The following PAPOLA variants were observed in gnomAD, a reference collection of about 807,000 sequenced individuals.
PAPOLA encodes polynucleotide adenylyltransferase alpha.
A neutral mutation model predicts 100.6 loss-of-function variants in PAPOLA; 15 were observed. That is an observed-to-expected ratio of 0.15 (90% CI 0.10 to 0.23). PAPOLA has a LOEUF of 0.23. Ranked by LOEUF, PAPOLA falls within the 10% of genes least tolerant of loss-of-function variation. The pLI is 1.00. For missense variants in PAPOLA, 533 were observed against 884.2 expected, an observed-to-expected ratio of 0.60 and a Z score of 5.04; for synonymous variants, 293 against 300.0, an observed-to-expected ratio of 0.98 and a Z score of 0.24.
chr14:96,503,446 G>GT (rs1250447382), intron 1 of PAPOLA, among the ~76,000 whole-genome samples: 2 of 150,134 alleles, frequency 1.3e-5, no homozygotes, highest in East Asian at 2.0e-4. Context: ...TTTTTAAAAA[G>GT]TTTTTTTCTC....
intron 12 of PAPOLA, chr14:96,541,837 T>G (rs1900017593): frequency 6.3e-6 from 1 of 157,562 alleles, no homozygotes; most frequent in South Asian, 1.8e-4. Context: ...GTAGTATGTG[T>G]ATTTAGTGAT....
intron 6 of PAPOLA, among the ~76,000 whole-genome samples, chr14:96,530,823 T>C (rs910868922): frequency 3.3e-5 from 5 of 152,232 alleles, no homozygotes; most frequent in African/African-American, 1.2e-4. Flanking sequence ...GTTTTTGTTT[T>C]GCTGTTTTGA....
intron 1 of PAPOLA, among the ~76,000 whole-genome samples, chr14:96,518,817 G>A (rs1407457530): frequency 6.6e-6 from 1 of 151,992 alleles, no homozygotes; most frequent in East Asian, 2.0e-4. Context: ...AGCACTTTGG[G>A]AGGCCAAAGG....
intron 10 of PAPOLA, chr14:96,535,678 G>A (rs1899460925): frequency 1.2e-6 from 1 of 827,582 alleles, no homozygotes; most frequent in Non-Finnish European, 1.6e-6. Flanking sequence ...AATTGAAGCA[G>A]ATCATTAGTT....
At position 96,535,917 on chromosome 14, in the gene PAPOLA, T is replaced by C. The variant is rs1284203295; in HGVS notation, c.948T>C (p.Ile316=). Residue 316 remains isoleucine (I), a synonymous_variant, in exon 11 of 22, where the codon ATT becomes ATC. Coordinates refer to ENST00000216277, the MANE Select transcript of PAPOLA (RefSeq NM_032632.5). Reference sequence around the variant, plus strand: ...ATAGGTACCATCTTATGCCTATAATTACACCAGCATACCCACAACAGAACT... The same window carrying C: ...ATAGGTACCATCTTATGCCTATAATCACACCAGCATACCCACAACAGAACT... ...PSDRYHLMPI[I]TPAYPQQNST... is the part of the protein sequence containing the mutation. 1.2e-6 allele frequency: 2 copies of C among 1,607,496 alleles called. No individual in the cohort carries two copies. Among genetic ancestry groups the C allele is most frequent in the East Asian group, 2.2e-5 (1 of 44,634 alleles).
Position 96,527,557 on chromosome 14 carries a change from G to T in PAPOLA, c.441+18G>T. On this transcript the variant is annotated intron_variant, in intron 5 of 21. Transcript: ENST00000216277. ...ATTTAAGAGTGCGTAAATGTTCGGG[G>T]TGAAATGGGATGAGTTATGAACATT... The T allele has an allele frequency of 8.0e-7, 1 of 1,255,424 alleles. No individual in the cohort carries two copies. The highest frequency in any genetic ancestry group is 1.2e-6 in the Non-Finnish European group (1 of 853,908). The allele number at this position is 1,255,424 out of a possible 1,614,324, so 77.8% of individuals were successfully genotyped here. A position where few individuals can be genotyped will look rare whatever the true frequency, so the allele number is the denominator to read the frequency against.
intron 17 of PAPOLA, 46 bp downstream of exon 17, chr14:96,552,668 T>G: frequency 6.5e-7 from 1 of 1,534,208 alleles, no homozygotes; most frequent in Non-Finnish European, 9.0e-7. Context: ...GTTTGCTAAA[T>G]CAATCAGATA....
At chr14:96,531,663 G>A (rs1425441904) in intron 7 of PAPOLA, 77 bp downstream of exon 7, 4 of 1,543,218 alleles carry the variant, frequency 2.6e-6, no homozygotes, top group East Asian at 4.9e-5. Context: ...GTTTTGTATT[G>A]AAGCTTTTTA....
In PAPOLA at chr14:96,556,542, G is replaced by A. The variant is rs920867802; in HGVS notation, c.2004+129G>A. 6 of 704,374 alleles carry A rather than the reference G, an allele frequency of 8.5e-6. 1 individual carries two copies. Among genetic ancestry groups the A allele is most frequent in the African/African-American group, 7.1e-5 (4 of 56,358 alleles). The allele number at this position is 704,374 out of a possible 1,614,324, so 43.6% of individuals were successfully genotyped here. On this transcript the variant is annotated intron_variant, in intron 19 of 21. Transcript: ENST00000216277. ...GAACAAAGCTTTTAGAAAATTTTAG[G>A]TGTGTCTGTAGTGCTTTAGTGCTGT... is the stretch of plus-strand genomic sequence containing the variant.
chr14:96,564,101 T>C (rs1049661691), intron 21 of PAPOLA, among the ~76,000 whole-genome samples: 6 of 152,108 alleles, frequency 3.9e-5, no homozygotes, highest in African/African-American at 1.4e-4. Context: ...CATTCCTATC[T>C]TTGGTAATGT....
intron 6 of PAPOLA, among the ~76,000 whole-genome samples, chr14:96,531,243 C>T (rs573387726): frequency 6.6e-5 from 10 of 152,080 alleles, no homozygotes; most frequent in African/African-American, 1.2e-4. Flanking sequence ...CCTCGTGATC[C>T]GCCTGCCCAG....
At chr14:96,508,429 C>T (rs758514975) in intron 1 of PAPOLA, among the ~76,000 whole-genome samples, 1 of 152,112 alleles carries the variant, frequency 6.6e-6, no homozygotes, top group Non-Finnish European at 1.5e-5. Flanking sequence ...AACATGTTTT[C>T]AGTCCATATT....
intron 6 of PAPOLA, 105 bp from the exon 7 acceptor site, chr14:96,531,370 C>A: frequency 1.2e-6 from 1 of 803,904 alleles, no homozygotes; most frequent in Non-Finnish European, 2.0e-6. Flanking sequence ...GTTCCACCTG[C>A]CTCAGCCTCC....
intron 1 of PAPOLA, among the ~76,000 whole-genome samples, chr14:96,518,220 G>A (rs767414265): frequency 3.3e-5 from 5 of 152,222 alleles, no homozygotes; most frequent in African/African-American, 7.2e-5. Context: ...TAGATGACAC[G>A]CAGTCCAGCA....
At chr14:96,505,404 T>A (rs768079383) in intron 1 of PAPOLA, among the ~76,000 whole-genome samples, 12 of 152,210 alleles carry the variant, frequency 7.9e-5, no homozygotes, top group Non-Finnish European at 1.5e-5. Context: ...TCTGCCCTAC[T>A]CTGTGTTGGT....
chr14:96,531,739 G>A, intron 7 of PAPOLA, 153 bp downstream of exon 7: 1 of 1,476,396 alleles, frequency 6.8e-7, no homozygotes, highest in Non-Finnish European at 8.9e-7. Flanking sequence ...CTACAGAAGA[G>A]TATGTAGTAG....
intron 1 of PAPOLA, chr14:96,504,739 C>T (rs1243584885): frequency 6.6e-6 from 1 of 152,070 alleles, no homozygotes; most frequent in Non-Finnish European, 1.5e-5. Flanking sequence ...AATAGAGAGA[C>T]CAAAGAATGC....
intron 19 of PAPOLA, among the ~76,000 whole-genome samples, chr14:96,559,581 C>CTCTCTCTCTCTCTCTATATA (rs370979875): frequency 1.7e-5 from 2 of 120,182 alleles, no homozygotes; most frequent in African/African-American, 6.7e-5. Flanking sequence ...CTCTCTCTCT[C>CTCTCTCTCTCTCTCTATATA]TATATATATA....
chr14:96,537,234 G>A, intron 12 of PAPOLA, 174 bp downstream of exon 12: 1 of 572,560 alleles, frequency 1.7e-6, no homozygotes, highest in Non-Finnish European at 3.2e-6. Flanking sequence ...GGTAATGAAT[G>A]TGAAGCCCCT....
Sources: allele counts gnomAD v4.1 joint callset (sites outside exome capture counted in the v4.1 genomes callset), GRCh38; gene constraint gnomAD v4.1.1; transcripts MANE v1.5; gene names NCBI Gene and HGNC (gene_info 2026-07-23, HGNC 2026-07-21).